Variants in CD247 observed in about 807,000 individuals in gnomAD.
CD247 encodes the protein CD247 molecule, also known as T-cell surface glycoprotein CD3 zeta chain.
In CD247, 13 loss-of-function variants were observed where a neutral mutation model predicts 30.0. The observed-to-expected ratio is 0.43, with a 90% confidence interval of 0.28 to 0.69. CD247 has a LOEUF of 0.69. Among genes scored for constraint, CD247 ranks in the 30% least tolerant of loss-of-function variants. The probability of loss-of-function intolerance (pLI) is 0.16; values close to 1 mark genes in which losing one functional copy is unlikely to be tolerated. For synonymous variants in CD247, 72 were observed against 80.0 expected, an observed-to-expected ratio of 0.90 and a Z score of 0.53; for missense variants, 193 against 212.6, an observed-to-expected ratio of 0.91 and a Z score of 0.57.
chr1:167,479,048 T>C (rs983826465), intron 1 of CD247, among the ~76,000 whole-genome samples: 4 of 152,234 alleles, frequency 2.6e-5, no homozygotes, highest in Non-Finnish European at 4.4e-5. Context: ...TAAAAAGGCA[T>C]GGCATACCTA....
chr1:167,438,972 T>C (rs1407831300), intron 3 of CD247, among the ~76,000 whole-genome samples: 2 of 152,046 alleles, frequency 1.3e-5, no homozygotes, highest in Non-Finnish European at 2.9e-5. Context: ...TTCACCACAG[T>C]CCCATTGCAC....
intron 6 of CD247, 107 bp downstream of exon 6, chr1:167,433,913 G>C (rs1325184442): frequency 4.2e-5 from 43 of 1,028,594 alleles, no homozygotes; most frequent in Non-Finnish European, 6.0e-5. Flanking sequence ...CCACCACATG[G>C]GCATTTGCAG....
chr1:167,451,524 C>T (rs1434240652), intron 1 of CD247, among the ~76,000 whole-genome samples: 1 of 152,206 alleles, frequency 6.6e-6, no homozygotes, highest in African/African-American at 2.4e-5. Flanking sequence ...CAAAACCAAG[C>T]TCTTCCTACT....
intron 1 of CD247, among the ~76,000 whole-genome samples, chr1:167,483,196 T>C (rs1369325685): frequency 6.6e-6 from 1 of 151,880 alleles, no homozygotes; most frequent in Non-Finnish European, 1.5e-5. Context: ...TTAGTAGAGA[T>C]GGGGTTTCTC....
At position 167,440,771 on chromosome 1, in the gene CD247, T is replaced by C. The variant is rs1285091747; in HGVS notation, c.59-4A>G. On this transcript the variant is annotated splice_region_variant and splice_polypyrimidine_tract_variant and intron_variant, in intron 1 of 7. Coordinates refer to ENST00000362089, the MANE Select transcript of CD247 (RefSeq NM_198053.3). ...AGCAGGCCAAAGCTCTGTGCCTCTG[T>C]GCCAAGAGATAAAGCTGGTCAGCCA... The C allele has an allele frequency of 6.2e-7, 1 of 1,605,326 alleles. No individual in the cohort carries two copies. The highest frequency in any genetic ancestry group is 8.5e-7 in the Non-Finnish European group (1 of 1,173,134).
In CD247 at chr1:167,492,114, A is replaced by G. The variant is rs758327843; in HGVS notation, c.58+26294T>C. Among the ~76,000 whole-genome samples the G allele has an allele frequency of 1.4e-4, 22 of 152,242 alleles. 1 individual carries two copies. The highest frequency in any genetic ancestry group is 2.9e-4 in the Non-Finnish European group (20 of 68,034). On this transcript the variant is annotated intron_variant, in intron 1 of 7. Transcript: ENST00000362089. Reference sequence around the variant, plus strand: ...TCAACTGTGCGCTTAAACATGGCTAAGAGGGTAAATTTTATGTTATGTGTA... The same window carrying G: ...TCAACTGTGCGCTTAAACATGGCTAGGAGGGTAAATTTTATGTTATGTGTA...
At chr1:167,439,272 C>G in intron 3 of CD247, 72 bp downstream of exon 3, 4 of 1,382,164 alleles carry the variant, frequency 2.9e-6, no homozygotes, top group South Asian at 2.3e-5. Context: ...AAGACTCTGG[C>G]GGGCGCGTTC....
chr1:167,518,319 C>T, intron 1 of CD247, 89 bp downstream of exon 1: 5 of 1,249,644 alleles, frequency 4.0e-6, no homozygotes, highest in Non-Finnish European at 5.9e-6. Context: ...GACCCCAGCC[C>T]CTCACCACCC....
chr1:167,508,688 C>G (rs533103237), intron 1 of CD247, among the ~76,000 whole-genome samples: 10 of 152,292 alleles, frequency 6.6e-5, no homozygotes, highest in African/African-American at 1.9e-4. Context: ...GGAGGAATTT[C>G]TGAAGCTCTC....
At chr1:167,449,965 T>C (rs1652278631) in intron 1 of CD247, among the ~76,000 whole-genome samples, 1 of 152,096 alleles carries the variant, frequency 6.6e-6, no homozygotes, top group South Asian at 2.1e-4. Flanking sequence ...TTTCATTTAG[T>C]ATTATGTTAT....
intron 1 of CD247, chr1:167,459,511 C>T (rs925138389): frequency 2.0e-5 from 3 of 152,050 alleles, no homozygotes; most frequent in African/African-American, 7.2e-5. Context: ...CGTCACCACA[C>T]CCGGCTAATT....
intron 1 of CD247, among the ~76,000 whole-genome samples, chr1:167,454,141 C>T (rs1371612096): frequency 3.9e-5 from 6 of 152,132 alleles, no homozygotes; most frequent in Non-Finnish European, 8.8e-5. Flanking sequence ...TGTAAATGTA[C>T]TTACTTCATG....
At chr1:167,447,316 C>T (rs1411575643) in intron 1 of CD247, among the ~76,000 whole-genome samples, 1 of 152,182 alleles carries the variant, frequency 6.6e-6, no homozygotes, top group Non-Finnish European at 1.5e-5. Flanking sequence ...ATCCCAGTGC[C>T]TCTGGGGTTC....
intron 1 of CD247, among the ~76,000 whole-genome samples, chr1:167,509,390 A>G (rs939191716): frequency 6.7e-5 from 10 of 150,370 alleles, no homozygotes; most frequent in African/African-American, 2.4e-4. Flanking sequence ...AAAAAAAAAA[A>G]GAAAAGAAAA....
At chr1:167,470,353 G>C (rs1653456048) in intron 1 of CD247, among the ~76,000 whole-genome samples, 1 of 152,104 alleles carries the variant, frequency 6.6e-6, no homozygotes, top group Non-Finnish European at 1.5e-5. Flanking sequence ...GTCCTAAGCA[G>C]AACTCCTTAT....
chr1:167,508,027 T>C (rs1655221094), intron 1 of CD247, among the ~76,000 whole-genome samples: 2 of 152,088 alleles, frequency 1.3e-5, no homozygotes, highest in Admixed American at 1.3e-4. Context: ...AGATGTGTCT[T>C]CCAAACCGAC....
rs1571502686 is a variant in CD247 at position 167,431,395 on chromosome 1, C to T, written c.*286G>A. The T allele has an allele frequency of 1.7e-6, 1 of 600,114 alleles. No homozygotes were observed. Among genetic ancestry groups the T allele is most frequent in the Non-Finnish European group, 3.0e-6 (1 of 338,096 alleles). The allele number at this position is 600,114 out of a possible 1,614,324, so 37.2% of individuals were successfully genotyped here. On this transcript the variant is annotated 3_prime_UTR_variant, in exon 8 of 8. Coordinates refer to ENST00000362089, the MANE Select transcript of CD247 (RefSeq NM_198053.3). ...CTGTGAGAGGCAGTGCGCCCGCCTC[C>T]CAGGGAGAACGAGGAACCGCCAGGA...
At chr1:167,474,635 A>G (rs1239423692) in intron 1 of CD247, among the ~76,000 whole-genome samples, 1 of 152,150 alleles carries the variant, frequency 6.6e-6, no homozygotes, top group African/African-American at 2.4e-5. Flanking sequence ...GACACCAGCG[A>G]AGACTACTGG....
chr1:167,431,848 A>G, intron 7 of CD247, 102 bp from the exon 8 acceptor site: 1 of 982,040 alleles, frequency 1.0e-6, no homozygotes, highest in South Asian at 1.3e-5. Context: ...CAGCCCTGTG[A>G]CCACCCACCC....
Sources: gnomAD v4.1 joint callset for allele counts (sites outside exome capture counted in the v4.1 genomes callset) on GRCh38, gnomAD v4.1.1 for gene constraint, MANE v1.5 for transcripts, NCBI Gene and HGNC (gene_info 2026-07-23, HGNC 2026-07-21) for gene names.